The following STMN1 variants were observed in gnomAD, a reference collection of about 807,000 sequenced individuals.
STMN1 encodes the protein stathmin 1.
In STMN1, 3 loss-of-function variants were observed where a neutral mutation model predicts 19.7. The ratio of observed to expected loss-of-function variants is 0.15; its 90% confidence interval spans 0.07 to 0.39. The LOEUF (loss-of-function observed/expected upper bound fraction) is 0.39. Ranked by LOEUF, STMN1 falls within the 10% of genes least tolerant of loss-of-function variation. The probability of loss-of-function intolerance (pLI) is 1.00; values close to 1 mark genes in which losing one functional copy is unlikely to be tolerated. For missense variants in STMN1, 99 were observed against 176.0 expected (o/e 0.56, Z 2.48); for synonymous variants, 59 against 58.9 (o/e 1.00, Z -0.01).
chr1:25,885,488 C>T, exon 5 of STMN1: 1 of 414,838 alleles, frequency 2.4e-6, no homozygotes, highest in Non-Finnish European at 4.2e-6. Context: ...TCTACGTTGG[C>T]AGTGTCTGTC....
intron 3 of STMN1, 162 bp from the exon 4 acceptor site, chr1:25,901,844 T>C (rs1365229743): frequency 3.8e-6 from 2 of 525,344 alleles, no homozygotes; most frequent in East Asian, 3.6e-5. Flanking sequence ...ATCCTACCTA[T>C]ACTAAAAATA....
At chr1:25,884,490 A>G (rs944740812), downstream of STMN1, 2 of 152,062 alleles carry the variant, frequency 1.3e-5, no homozygotes, top group African/African-American at 4.8e-5. Context: ...AGGTCAGGAG[A>G]TCGAGACCAT....
intron 4 of STMN1, among the ~76,000 whole-genome samples, chr1:25,889,510 C>T (rs1055212335): frequency 2.0e-5 from 3 of 151,544 alleles, no homozygotes; most frequent in African/African-American, 4.9e-5. Flanking sequence ...AAGGGAAAAG[C>T]CCAAGAGTCA....
In STMN1 at chr1:25,906,110, C is replaced by T. The variant is rs979358180; in HGVS notation, c.-63+279G>A. ...GGGAGGTAAACGAGGGCCCACGCCCCCTATTGTCTCCTCGACGGCACCCCG... is the reference window on the plus strand; with the variant it reads ...GGGAGGTAAACGAGGGCCCACGCCCTCTATTGTCTCCTCGACGGCACCCCG... On this transcript the variant is annotated intron_variant, in intron 1 of 4. Coordinates refer to ENST00000455785, the MANE Select transcript of STMN1 (RefSeq NM_005563.4). The surrounding 1 kb of genome is among the most constrained non-coding windows in gnomAD (Gnocchi z 4.5). 1.3e-5 allele frequency: 2 copies of T among 152,326 alleles called. No individual in the cohort carries two copies. The highest frequency in any genetic ancestry group is 2.9e-5 in the Non-Finnish European group (2 of 68,170). 9.4% of individuals were successfully genotyped at this position (152,326 alleles called of 1,614,324 possible). A position where few individuals can be genotyped will look rare whatever the true frequency, so the allele number is the denominator to read the frequency against.
intron 3 of STMN1, 197 bp from the exon 4 acceptor site, chr1:25,901,879 G>A (rs940899922): frequency 2.1e-5 from 8 of 375,596 alleles, no homozygotes; most frequent in South Asian, 5.9e-5. Flanking sequence ...GCGTGGTGGC[G>A]GGTGCCTGTA....
At chr1:25,897,487 G>A (rs2048829447), downstream of STMN1, among the ~76,000 whole-genome samples, 2 of 152,196 alleles carry the variant, frequency 1.3e-5, no homozygotes, top group Admixed American at 1.3e-4. Flanking sequence ...ATTCTCCACT[G>A]GGAGAATGAT....
At chr1:25,904,248 G>C (rs1462689657) in intron 2 of STMN1, among the ~76,000 whole-genome samples, 1 of 152,004 alleles carries the variant, frequency 6.6e-6, no homozygotes, top group Non-Finnish European at 1.5e-5. Flanking sequence ...GCCCACTTGA[G>C]CTCCAGAAGT....
At chr1:25,900,038 G>T (rs892006663), downstream of STMN1, 1 of 959,644 alleles carries the variant, frequency 1.0e-6, no homozygotes, top group Non-Finnish European at 1.2e-6. Context: ...ACAAGATGAC[G>T]TATCTGCCAA....
chr1:25,900,760 C>T lies in STMN1; in HGVS notation c.*256G>A. The T allele has an allele frequency of 7.7e-7, 1 of 1,299,106 alleles. No individual in the cohort carries two copies. Among genetic ancestry groups the T allele is most frequent in the Non-Finnish European group, 9.8e-7 (1 of 1,023,780 alleles). 80.5% of individuals were successfully genotyped at this position (1,299,106 alleles called of 1,614,324 possible). A position where few individuals can be genotyped will look rare whatever the true frequency, so the allele number is the denominator to read the frequency against. On this transcript the variant is annotated 3_prime_UTR_variant, in exon 5 of 5. Transcript: ENST00000455785. Reference sequence around the variant, plus strand: ...CCATTAACCCAGTACACCAAGTGTACTGAAGTAGAAAAGATGCAACAAGAA... The same window carrying T: ...CCATTAACCCAGTACACCAAGTGTATTGAAGTAGAAAAGATGCAACAAGAA...
Position 25,906,016 on chromosome 1 carries a change from C to T in STMN1, c.-63+373G>A, listed in dbSNP as rs2048941417. ...AGTTTGGTCCTAAAGCCGCTGGTCC[C>T]TGGGGCACCGCCCCGTCCCTTCAGA... is the stretch of plus-strand genomic sequence containing the variant. On this transcript the variant is annotated intron_variant, in intron 1 of 4. Coordinates refer to ENST00000455785, the MANE Select transcript of STMN1 (RefSeq NM_005563.4). This position sits in a 1 kb window ranked among gnomAD's most constrained non-coding sequence, Gnocchi z 4.5. 6.7e-6 allele frequency: 1 copy of T among 150,344 alleles called. No homozygotes were observed. The highest frequency in any genetic ancestry group is 2.1e-4 in the South Asian group (1 of 4,666). 9.3% of individuals were successfully genotyped at this position (150,344 alleles called of 1,614,324 possible). A position where few individuals can be genotyped will look rare whatever the true frequency, so the allele number is the denominator to read the frequency against.
At chr1:25,897,589 T>C (rs2048829881), downstream of STMN1, among the ~76,000 whole-genome samples, 1 of 152,028 alleles carries the variant, frequency 6.6e-6, no homozygotes, top group African/African-American at 2.4e-5. Flanking sequence ...CCCTGCCTTT[T>C]TAAGGAGGTG....
At position 25,889,061 on chromosome 1, in the gene STMN1, G is replaced by A. The variant is rs991334476; in HGVS notation, c.379-3192C>T. On this transcript the variant is annotated intron_variant, in intron 4 of 4. Coordinates refer to the STMN1 transcript ENST00000426559. ...GGATGAAAACTGGCAATAAAATCAG[G>A]TACAACTCCAAAAGGAGACATCGGA... 3 of 490,356 alleles carry A rather than the reference G, an allele frequency of 6.1e-6. No homozygotes were observed. In the Admixed American group the frequency reaches 7.0e-5, roughly 11 times the overall value. 30.4% of individuals were successfully genotyped at this position (490,356 alleles called of 1,614,324 possible).
chr1:25,903,701 C>T lies in STMN1; in HGVS notation c.126G>A (p.Lys42=), dbSNP rs774697811. 8 of 1,613,720 alleles carry T rather than the reference C, an allele frequency of 5.0e-6. No homozygotes were observed. The change falls in exon 3 of 5, where the codon AAG becomes AAA. Residue 42 remains lysine (K), a synonymous_variant. Coordinates refer to ENST00000455785, the MANE Select transcript of STMN1 (RefSeq NM_005563.4). Reference sequence around the variant, plus strand: ...GAATTTCCTCCAGGGAAAGATCCTTCTTCTTTGGAGGGGAAAGGGGGAATT... The same window carrying T: ...GAATTTCCTCCAGGGAAAGATCCTTTTTCTTTGGAGGGGAAAGGGGGAATT... ...VPEFPLSPPK[K]KDLSLEEIQK...
In STMN1 at chr1:25,903,722, G is replaced by A; in HGVS notation, c.105C>T (p.Phe35=). 2 of 1,613,960 alleles carry A rather than the reference G, an allele frequency of 1.2e-6. No individual in the cohort carries two copies. Among genetic ancestry groups the A allele is most frequent in the Non-Finnish European group, 1.7e-6 (2 of 1,180,012 alleles). The change falls in exon 3 of 5, where the codon TTC becomes TTT. Residue 35 remains phenylalanine (F), a synonymous_variant. Coordinates refer to ENST00000455785, the MANE Select transcript of STMN1 (RefSeq NM_005563.4). ...SPRSKESVPE[F]PLSPPKKKDL... ...CCTTCTTCTTTGGAGGGGAAAGGGG[G>A]AATTCTGGAACAGATTCTTTTGACC...
chr1:25,903,901 T>G, intron 2 of STMN1, 88 bp from the exon 3 acceptor site: 1 of 1,365,214 alleles, frequency 7.3e-7, no homozygotes, highest in Non-Finnish European at 9.8e-7. Flanking sequence ...CCAAATCAAT[T>G]TAATGTATTA....
At chr1:25,896,655 C>A (rs2048820347), downstream of STMN1, among the ~76,000 whole-genome samples, 1 of 152,230 alleles carries the variant, frequency 6.6e-6, no homozygotes, top group Non-Finnish European at 1.5e-5. Context: ...GAAGCTGCTG[C>A]ATTTTGGAGC....
chr1:25,890,388 G>A (rs2048761553), intron 4 of STMN1, among the ~76,000 whole-genome samples: 1 of 152,240 alleles, frequency 6.6e-6, no homozygotes, highest in African/African-American at 2.4e-5. Flanking sequence ...AGCTCCAGGA[G>A]AGAACAGCTG....
intron 1 of STMN1, chr1:25,905,989 G>C (rs2048940122): frequency 6.6e-6 from 1 of 152,146 alleles, no homozygotes; most frequent in African/African-American, 2.4e-5. Context: ...CTGGCTGCCC[G>C]CAGTTTGGTC....
At chr1:25,897,445 C>T (rs762833475), downstream of STMN1, among the ~76,000 whole-genome samples, 16 of 152,028 alleles carry the variant, frequency 1.1e-4, no homozygotes, top group Admixed American at 2.6e-4. Flanking sequence ...CACAGGTTTA[C>T]CGGGACAGCT....
Sources: gnomAD v4.1 joint callset for allele counts (sites outside exome capture counted in the v4.1 genomes callset) on GRCh38, gnomAD v4.1.1 for gene constraint, Gnocchi (gnomAD v3.1) non-coding constraint, MANE v1.5 for transcripts, NCBI Gene and HGNC (gene_info 2026-07-23, HGNC 2026-07-21) for gene names.